Variants in ADAMTS16 observed in about 807,000 individuals in gnomAD.
The protein encoded by ADAMTS16 is ADAM metallopeptidase with thrombospondin type 1 motif 16, also known as A disintegrin and metalloproteinase with thrombospondin motifs 16.
Under a neutral mutation model 145.8 loss-of-function variants are expected in ADAMTS16, and 94 were observed. The ratio of observed to expected loss-of-function variants is 0.64; its 90% CI spans 0.55 to 0.77. The LOEUF (loss-of-function observed/expected upper bound fraction) is 0.77. Among genes scored for constraint, ADAMTS16 ranks in the 30% least tolerant of loss-of-function variants. The probability of loss-of-function intolerance (pLI) is 0.00; values close to 1 mark genes in which losing one functional copy is unlikely to be tolerated. For synonymous variants in ADAMTS16, 659 were observed against 604.3 expected, an observed-to-expected ratio of 1.09 and a Z score of -1.33; for missense variants, 1,585 against 1,591.5, an observed-to-expected ratio of 1.00 and a Z score of 0.07.
At chr5:5,259,732 T>TG (rs2126425185) in intron 17 of ADAMTS16, among the ~76,000 whole-genome samples, 2 of 152,362 alleles carry the variant, frequency 1.3e-5, no homozygotes, top group African/African-American at 4.8e-5. Flanking sequence ...TAGCTACCAG[T>TG]GGGGATGTTT....
rs569687701 is a variant in ADAMTS16, at chr5:5,239,291, T to C, written c.2278+17T>C. The stretch of plus-strand genomic sequence containing the variant: ...ACACCAACCGTGAGTACTTTAGAGC[T>C]GCCTGCAAGCCTTGGGCAAAGAAGA... On this transcript the variant is annotated intron_variant, in intron 15 of 22. Transcript: ENST00000274181. The C allele has an allele frequency of 3.1e-5, 47 of 1,529,294 alleles. No individual in the cohort carries two copies. The African/African-American group carries it at 5.4e-4, about 18-fold the overall frequency. The allele number at this position is 1,529,294 out of a possible 1,614,324, so 94.7% of individuals were successfully genotyped here.
At chr5:5,281,580 C>T (rs1242717294) in intron 18 of ADAMTS16, among the ~76,000 whole-genome samples, 1 of 152,156 alleles carries the variant, frequency 6.6e-6, no homozygotes, top group African/African-American at 2.4e-5. Context: ...ACAACAAAAT[C>T]CCATGATTGC....
chr5:5,235,010 C>T lies in ADAMTS16; in HGVS notation c.1851-4C>T. 8 of 1,562,538 alleles carry T rather than the reference C, an allele frequency of 5.1e-6. No homozygotes were observed. The highest frequency in any genetic ancestry group is 6.1e-6 in the Non-Finnish European group (7 of 1,145,036). ...AAATTCTAACTTCAAAATACACATT[C>T]CAGGCCATCGCATGGAGGGAAGTTC... On this transcript the variant is annotated splice_region_variant and splice_polypyrimidine_tract_variant and intron_variant, in intron 12 of 22. Coordinates refer to ENST00000274181, the MANE Select transcript of ADAMTS16 (RefSeq NM_139056.4).
intron 3 of ADAMTS16, among the ~76,000 whole-genome samples, chr5:5,175,212 T>A (rs1040060164): frequency 2.0e-5 from 3 of 152,114 alleles, no homozygotes; most frequent in Admixed American, 1.3e-4. Context: ...GGCTCTCTAC[T>A]CAGCAGGAGA....
At chr5:5,189,836 C>A in intron 6 of ADAMTS16, 135 bp from the exon 7 acceptor site, 2 of 1,013,734 alleles carry the variant, frequency 2.0e-6, no homozygotes, top group Non-Finnish European at 1.5e-6. Context: ...AAAATACACG[C>A]GTTAGCTTAT....
chr5:5,167,185 C>T (rs1323498460), intron 3 of ADAMTS16, among the ~76,000 whole-genome samples: 2 of 152,186 alleles, frequency 1.3e-5, no homozygotes, highest in African/African-American at 4.8e-5. Context: ...ACCTAAGCTT[C>T]ATGAGGATGA....
chr5:5,308,414 G>T (rs1230648975), intron 21 of ADAMTS16, among the ~76,000 whole-genome samples: 1 of 152,120 alleles, frequency 6.6e-6, no homozygotes, highest in Non-Finnish European at 1.5e-5. Flanking sequence ...TTCCCAGTTT[G>T]CCCACTCATC....
At chr5:5,254,940 C>A (rs1461524737) in intron 17 of ADAMTS16, among the ~76,000 whole-genome samples, 1 of 152,030 alleles carries the variant, frequency 6.6e-6, no homozygotes, top group Non-Finnish European at 1.5e-5. Flanking sequence ...TTAACTATCT[C>A]CTAGCATTTG....
intron 13 of ADAMTS16, among the ~76,000 whole-genome samples, 195 bp from the exon 14 acceptor site, chr5:5,236,774 A>C (rs562558363): frequency 7.6e-6 from 1 of 131,788 alleles, no homozygotes; most frequent in South Asian, 2.8e-4. Flanking sequence ...AAAATTTAAC[A>C]TTGAAGCAAT....
chr5:5,144,815 C>G (rs1278551439), intron 2 of ADAMTS16, among the ~76,000 whole-genome samples: 1 of 152,194 alleles, frequency 6.6e-6, no homozygotes, highest in South Asian at 2.1e-4. Flanking sequence ...CTGCTATCCT[C>G]TTAGGGTGCT....
At chr5:5,171,384 T>C (rs575069004) in intron 3 of ADAMTS16, among the ~76,000 whole-genome samples, 4 of 152,362 alleles carry the variant, frequency 2.6e-5, no homozygotes, top group African/African-American at 7.2e-5. Context: ...TTTTTTCCCA[T>C]TCAGTATGAC....
In ADAMTS16 at chr5:5,173,307, G is replaced by GT. The variant is rs1483214523; in HGVS notation, c.502-8731dup. 2.7e-5 allele frequency among the ~76,000 whole-genome samples: 4 copies of GT among 148,302 alleles called. No individual in the cohort carries two copies. The East Asian group carries it at 5.9e-4, about 22-fold the overall frequency. The stretch of plus-strand genomic sequence containing the variant: ...GCTATTTTGTCATTTGTTTTCTGGG[G>GT]TTTTTTGTGCCGTTTTATTTCTTTC... On this transcript the variant is annotated intron_variant, in intron 3 of 22. Transcript: ENST00000274181.
chr5:5,190,176 C>T (rs746052992), intron 7 of ADAMTS16, 46 bp downstream of exon 7: 1 of 1,508,786 alleles, frequency 6.6e-7, no homozygotes, highest in African/African-American at 1.4e-5. Flanking sequence ...GGAATGTGCA[C>T]CCCTGGCCGT....
At chr5:5,177,459 T>C (rs1283651153) in intron 3 of ADAMTS16, among the ~76,000 whole-genome samples, 2 of 152,058 alleles carry the variant, frequency 1.3e-5, no homozygotes, top group African/African-American at 4.8e-5. Flanking sequence ...TCAGGTGTAG[T>C]GGAGAGAGGA....
chr5:5,187,976 T>A (rs533622348), intron 6 of ADAMTS16, among the ~76,000 whole-genome samples, 168 bp downstream of exon 6: 1 of 152,352 alleles, frequency 6.6e-6, no homozygotes, highest in African/African-American at 2.4e-5. Flanking sequence ...TCCTTTTAAA[T>A]GTTTTTTGGA....
chr5:5,245,259 T>A (rs148367944), intron 17 of ADAMTS16, among the ~76,000 whole-genome samples: 20 of 152,326 alleles, frequency 1.3e-4, no homozygotes, highest in African/African-American at 4.8e-4. Context: ...ATGTGGTATC[T>A]GACAATAGCA....
intron 11 of ADAMTS16, among the ~76,000 whole-genome samples, chr5:5,224,388 C>G (rs1579322551): frequency 6.6e-6 from 1 of 152,146 alleles, no homozygotes; most frequent in Non-Finnish European, 1.5e-5. Context: ...CTCCCAGGTT[C>G]AAGCAATTCT....
intron 3 of ADAMTS16, among the ~76,000 whole-genome samples, chr5:5,150,772 C>G (rs935936607): frequency 6.6e-6 from 1 of 152,216 alleles, no homozygotes; most frequent in African/African-American, 2.4e-5. Context: ...TAGAATTGTT[C>G]TGCATAGGTT....
At chr5:5,196,853 C>T (rs1735820782) in intron 8 of ADAMTS16, among the ~76,000 whole-genome samples, 2 of 152,140 alleles carry the variant, frequency 1.3e-5, no homozygotes, top group Admixed American at 6.5e-5. Flanking sequence ...CTGGGGGGGT[C>T]AAGTAATTTG....
Sources: gnomAD v4.1 joint callset for allele counts (sites outside exome capture counted in the v4.1 genomes callset) on GRCh38, gnomAD v4.1.1 for gene constraint, MANE v1.5 for transcripts, NCBI Gene and HGNC (gene_info 2026-07-23, HGNC 2026-07-21) for gene names.